The following LIPA variants were observed in gnomAD, a reference collection of about 807,000 sequenced individuals.
The protein encoded by LIPA is lipase A, lysosomal acid type, also known as lysosomal acid lipase/cholesteryl ester hydrolase.
A neutral mutation model predicts 40.6 loss-of-function variants in LIPA; 26 were observed. The observed-to-expected ratio is 0.64, with a 90% CI of 0.47 to 0.89. The LOEUF (loss-of-function observed/expected upper bound fraction) is 0.89, where lower values mean the gene tolerates loss of function less well. Ranked by LOEUF, LIPA falls within the 40% of genes least tolerant of loss-of-function variation. The pLI is 0.00. For missense variants in LIPA, 455 were observed against 479.6 expected (o/e 0.95, Z 0.48); for synonymous variants, 188 against 168.4 (o/e 1.12, Z -0.90).
intron 2 of LIPA, among the ~76,000 whole-genome samples, chr10:89,389,975 C>CAT (rs1844234022): frequency 3.7e-5 from 3 of 80,342 alleles, no homozygotes; most frequent in Non-Finnish European, 6.7e-5. Flanking sequence ...AGATTTCTTT[C>CAT]TTTTTTTTTT....
intron 1 of LIPA, among the ~76,000 whole-genome samples, chr10:89,248,457 TTTATTTA>T (rs1564766033): frequency 7.1e-5 from 3 of 42,318 alleles, no homozygotes; most frequent in African/African-American, 3.8e-4. Context: ...TATTTATTTA[TTTATTTA>T]TTTATTTATT....
chr10:89,332,722 G>A (rs112666680), intron 1 of LIPA: 16,392 of 1,227,248 alleles, frequency 0.013, 170 homozygotes, highest in African/African-American at 0.037. Flanking sequence ...GATGAAATAT[G>A]CATTTATCTA....
In LIPA at chr10:89,388,012, T is replaced by C. The variant is rs540818889; in HGVS notation, c.61+24779A>G. On this transcript the variant is annotated intron_variant, in intron 2 of 8. Coordinates refer to the LIPA transcript ENST00000371837. ...GTAGGGAATGGTGGATAAAATCACA[T>C]AGGAAGGAAGGATTCCAAGTGATTT... Among the ~76,000 whole-genome samples the C allele has an allele frequency of 4.6e-5, 7 of 152,280 alleles. No homozygotes were observed. In the East Asian group the frequency reaches 9.6e-4, roughly 21 times the overall value.
At chr10:89,263,267 G>A (rs955513201) in intron 1 of LIPA, among the ~76,000 whole-genome samples, 24 of 152,302 alleles carry the variant, frequency 1.6e-4, no homozygotes, top group African/African-American at 5.5e-4. Context: ...CTGCAGGGAT[G>A]GTGACCTTAT....
intron 1 of LIPA, among the ~76,000 whole-genome samples, chr10:89,263,093 T>C (rs145672710): frequency 9.2e-5 from 14 of 152,338 alleles, no homozygotes; most frequent in Admixed American, 7.8e-4. Flanking sequence ...AAAATAGATA[T>C]AGGGTATCAG....
At chr10:89,234,522 A>G (rs1842881284) in intron 3 of LIPA, among the ~76,000 whole-genome samples, 1 of 152,238 alleles carries the variant, frequency 6.6e-6, no homozygotes, top group African/African-American at 2.4e-5. Context: ...AATGGCTTCC[A>G]AACCTCTTGC....
chr10:89,263,761 C>T (rs1479066521), intron 1 of LIPA, among the ~76,000 whole-genome samples: 1 of 152,230 alleles, frequency 6.6e-6, no homozygotes, highest in Non-Finnish European at 1.5e-5. Context: ...GTGCTTGGCT[C>T]ATGCTAACCA....
chr10:89,229,752 C>CAAA (rs11388104), intron 3 of LIPA, among the ~76,000 whole-genome samples: 3,138 of 115,704 alleles, frequency 0.027, 144 homozygotes, highest in African/African-American at 0.094. Flanking sequence ...GACTCAGTCT[C>CAAA]AAAAAAAAAA....
chr10:89,295,288 A>G (rs948110831), intron 1 of LIPA, among the ~76,000 whole-genome samples: 1 of 152,232 alleles, frequency 6.6e-6, no homozygotes, highest in African/African-American at 2.4e-5. Flanking sequence ...AAGTGCGAAT[A>G]CTATTGAACA....
Position 89,227,011 on chromosome 10 carries a change from T to A in LIPA, c.429-7A>T, listed in dbSNP as rs377215072. ...TTTTGCCATCTCATCATAACTGTAA[T>A]CCAAGAAAGGAACTCTTTCATTGAA... On this transcript the variant is annotated splice_region_variant and splice_polypyrimidine_tract_variant and intron_variant, in intron 4 of 9. Transcript: ENST00000336233. The A allele has an allele frequency of 7.3e-6, 11 of 1,505,734 alleles. 1 individual carries two copies. The highest frequency in any genetic ancestry group is 1.7e-4 in the Middle Eastern group (1 of 5,786). The allele number at this position is 1,505,734 out of a possible 1,614,324, so 93.3% of individuals were successfully genotyped here.
At chr10:89,374,106 G>A (rs905297556) in intron 2 of LIPA, among the ~76,000 whole-genome samples, 2 of 152,168 alleles carry the variant, frequency 1.3e-5, no homozygotes, top group African/African-American at 4.8e-5. Flanking sequence ...GTAAACCACT[G>A]TTCAAGGCCA....
At chr10:89,412,898 T>C in exon 2 of LIPA, 1 of 264,590 alleles carries the variant, frequency 3.8e-6, no homozygotes, top group Non-Finnish European at 7.8e-6. Flanking sequence ...GCTTCATTCT[T>C]GAAGTCACCA....
At chr10:89,390,469 G>C (rs1321851211) in intron 2 of LIPA, among the ~76,000 whole-genome samples, 2 of 152,170 alleles carry the variant, frequency 1.3e-5, no homozygotes, top group Non-Finnish European at 1.5e-5. Context: ...GATTCATAGA[G>C]GTGAAGCAGT....
intron 5 of LIPA, among the ~76,000 whole-genome samples, chr10:89,226,023 G>A (rs1030370787): frequency 6.6e-6 from 1 of 152,102 alleles, no homozygotes; most frequent in Non-Finnish European, 1.5e-5. Flanking sequence ...GCCCAGTCTC[G>A]GGTATGTCTT....
intron 1 of LIPA, chr10:89,340,955 T>C (rs767729077): frequency 1.3e-5 from 2 of 152,222 alleles, no homozygotes; most frequent in Non-Finnish European, 2.9e-5. Flanking sequence ...AATCCAAACA[T>C]TTCAACTCTG....
chr10:89,304,393 T>A (rs1454436650), intron 1 of LIPA, among the ~76,000 whole-genome samples: 3 of 151,930 alleles, frequency 2.0e-5, no homozygotes, highest in African/African-American at 7.3e-5. Flanking sequence ...AGATTCCCAA[T>A]CAAAATGGGA....
intron 1 of LIPA, chr10:89,327,925 C>A: frequency 3.0e-6 from 2 of 664,694 alleles, no homozygotes; most frequent in Admixed American, 3.0e-5. Context: ...TACTCAAAAA[C>A]GGAGAAAACA....
chr10:89,245,626 CACAA>C, intron 3 of LIPA, 46 bp downstream of exon 3: 2 of 955,772 alleles, frequency 2.1e-6, no homozygotes, highest in Non-Finnish European at 3.4e-6. Context: ...TGGTTACTAA[CACAA>C]AACCCAGAAG....
chr10:89,339,883 C>T (rs1416480807), intron 1 of LIPA: 1 of 1,614,170 alleles, frequency 6.2e-7, no homozygotes, highest in Non-Finnish European at 8.5e-7. Flanking sequence ...TGAAAATCTG[C>T]TTCCACAAAA....
Sources: gnomAD v4.1 joint callset for allele counts (sites outside exome capture counted in the v4.1 genomes callset) on GRCh38, gnomAD v4.1.1 for gene constraint, MANE v1.5 for transcripts, NCBI Gene and HGNC (gene_info 2026-07-23, HGNC 2026-07-21) for gene names.